JAK1: variants seen among roughly 807,000 people sequenced by gnomAD.
The protein encoded by JAK1 is tyrosine-protein kinase JAK1.
JAK1 carries 16 observed loss-of-function variants against 136.6 expected under a neutral mutation model. That is an observed-to-expected ratio of 0.12 (90% CI 0.08 to 0.18). The LOEUF (loss-of-function observed/expected upper bound fraction) is 0.18, where lower values mean the gene tolerates loss of function less well. Among genes scored for constraint, JAK1 ranks in the 10% least tolerant of loss-of-function variants. The pLI is 1.00. For missense variants in JAK1, 859 were observed against 1,450.1 expected (o/e 0.59, Z 6.62); for synonymous variants, 492 against 519.5 (o/e 0.95, Z 0.72).
At chr1:65,022,228 T>C (rs1036649974) in intron 2 of JAK1, among the ~76,000 whole-genome samples, 2 of 152,256 alleles carry the variant, frequency 1.3e-5, no homozygotes, top group African/African-American at 2.4e-5. Context: ...ATGAATTTTC[T>C]TGATATTGGA....
intron 12 of JAK1, among the ~76,000 whole-genome samples, chr1:64,849,785 A>C (rs933149032): frequency 2.0e-5 from 3 of 152,020 alleles, no homozygotes; most frequent in Non-Finnish European, 4.4e-5. Flanking sequence ...AGACTATGTC[A>C]AGTTCTACAC....
At position 64,839,817 on chromosome 1, in the gene JAK1, C is replaced by G. The variant is rs771526524; in HGVS notation, c.2650-22G>C. On this transcript the variant is annotated intron_variant, in intron 19 of 24. Coordinates refer to ENST00000342505, the MANE Select transcript of JAK1 (RefSeq NM_002227.4). Reference sequence around the variant, plus strand: ...GGCCCTGGAGGGAAAGATGCATGTGCTGTTATCAGGGAAGCCCCATCGTAG... The same window carrying G: ...GGCCCTGGAGGGAAAGATGCATGTGGTGTTATCAGGGAAGCCCCATCGTAG... The G allele has an allele frequency of 5.0e-6, 8 of 1,584,930 alleles. No homozygotes were observed. In the South Asian group the frequency reaches 6.8e-5, roughly 14 times the overall value.
intron 6 of JAK1, among the ~76,000 whole-genome samples, chr1:64,868,147 G>GT (rs753545987): frequency 2.6e-5 from 4 of 152,208 alleles, no homozygotes; most frequent in Non-Finnish European, 4.4e-5. Flanking sequence ...TGAAAGATTA[G>GT]TTACCTATCC....
intron 1 of JAK1, among the ~76,000 whole-genome samples, chr1:64,902,583 A>AGAGAGAGAGAGAGAGAGTGTGTGTGT: frequency 2.8e-4 from 21 of 73,788 alleles, no homozygotes; most frequent in African/African-American, 8.6e-4. Context: ...AGAGAGAGAG[A>AGAGAGAGAGAGAGAGAGTGTGTGTGT]GTGTGTGTGT....
chr1:64,932,657 T>C (rs1043250821), intron 1 of JAK1, among the ~76,000 whole-genome samples: 1 of 152,194 alleles, frequency 6.6e-6, no homozygotes, highest in Non-Finnish European at 1.5e-5. Flanking sequence ...GCAAAGATAG[T>C]ACACAGAATT....
At chr1:65,052,365 G>A (rs531308859) in intron 1 of JAK1, among the ~76,000 whole-genome samples, 2 of 152,024 alleles carry the variant, frequency 1.3e-5, no homozygotes, top group Non-Finnish European at 2.9e-5. Context: ...CATGCTTCAT[G>A]AAGAATTCTT....
At chr1:64,839,145 CAAAAAAAAAAAA>C (rs56058898) in intron 20 of JAK1, among the ~76,000 whole-genome samples, 2 of 59,870 alleles carry the variant, frequency 3.3e-5, no homozygotes, top group Middle Eastern at 8.2e-3. Context: ...GACTCCGTCT[CAAAAAAAAAAAA>C]AAAAAAAAAA....
chr1:64,914,940 C>T (rs61784742), intron 1 of JAK1, among the ~76,000 whole-genome samples: 7,973 of 152,182 alleles, frequency 0.052, 448 homozygotes, highest in African/African-American at 0.13. Context: ...GGTCTTTCCT[C>T]AATACAAGAT....
chr1:64,936,567 C>T (rs1437888235), intron 1 of JAK1, among the ~76,000 whole-genome samples: 1 of 152,142 alleles, frequency 6.6e-6, no homozygotes, highest in Non-Finnish European at 1.5e-5. Context: ...CCAGGACTTT[C>T]ACAAGTATGA....
chr1:64,855,539 G>C lies in JAK1; in HGVS notation c.1618C>G (p.Leu540Val). ...GGCTTGGGCTGGCAGCAGCGTTTTA[G>C]CATGAAGCTGATGTTATCCGTGCGC... ...ILRTDNISFMLKRCCQPKPRE... is the reference protein window; with the variant it reads ...ILRTDNISFMVKRCCQPKPRE... Residue 540 changes from leucine to valine, a missense_variant, in exon 11 of 25, where the codon CTA becomes GTA. Leu to Val is a conservative substitution (Grantham distance 32, BLOSUM62 1). Around this residue, in one of 4 missense-constraint regions of JAK1, gnomAD observed 409 missense variants for 753.8 expected, o/e 0.54. Coordinates refer to ENST00000342505, the MANE Select transcript of JAK1 (RefSeq NM_002227.4). 6.2e-7 allele frequency: 1 copy of C among 1,614,168 alleles called. No homozygotes were observed.
intron 11 of JAK1, among the ~76,000 whole-genome samples, chr1:64,851,645 G>A (rs1010409122): frequency 2.0e-5 from 3 of 152,136 alleles, no homozygotes; most frequent in Non-Finnish European, 4.4e-5. Context: ...AAATCCTCGA[G>A]GCCAGGAAAT....
At chr1:64,957,637 C>T (rs1368046321) in intron 1 of JAK1, among the ~76,000 whole-genome samples, 2 of 150,882 alleles carry the variant, frequency 1.3e-5, no homozygotes, top group African/African-American at 4.9e-5. Flanking sequence ...GGTGAAACCC[C>T]GTCTCTACTA....
chr1:64,881,219 A>T (rs1409975901), intron 3 of JAK1, among the ~76,000 whole-genome samples: 1 of 150,364 alleles, frequency 6.7e-6, no homozygotes, highest in Non-Finnish European at 1.5e-5. Context: ...CTATGATGGA[A>T]CCACTGCACT....
intron 19 of JAK1, among the ~76,000 whole-genome samples, chr1:64,840,357 A>C (rs1654815384): frequency 6.6e-6 from 1 of 152,206 alleles, no homozygotes; most frequent in South Asian, 2.1e-4. Context: ...AGTGGCTGGC[A>C]CACAGCAGAT....
intron 1 of JAK1, among the ~76,000 whole-genome samples, chr1:65,045,743 A>AT (rs1468495494): frequency 6.6e-6 from 1 of 152,202 alleles, no homozygotes; most frequent in East Asian, 1.9e-4. Context: ...TAGGAAAAAG[A>AT]TGTCATCACT....
intron 1 of JAK1, among the ~76,000 whole-genome samples, chr1:64,911,644 A>G (rs1211604214): frequency 2.6e-5 from 4 of 152,330 alleles, no homozygotes; most frequent in African/African-American, 9.6e-5. Flanking sequence ...CATCTAAGTA[A>G]TGACCTGGAC....
intron 20 of JAK1, among the ~76,000 whole-genome samples, chr1:64,839,138 T>G (rs1229579807): frequency 1.1e-5 from 1 of 92,464 alleles, no homozygotes; most frequent in African/African-American, 5.2e-5. Flanking sequence ...AGAGCGAGAC[T>G]CCGTCTCAAA....
intron 2 of JAK1, among the ~76,000 whole-genome samples, chr1:65,000,161 T>A (rs984702678): frequency 1.3e-5 from 2 of 152,056 alleles, no homozygotes; most frequent in African/African-American, 4.8e-5. Context: ...CAGCTAATTT[T>A]GTATTTTTAG....
intron 1 of JAK1, chr1:65,058,405 G>A (rs1182265121): frequency 1.1e-5 from 6 of 534,028 alleles, no homozygotes. Context: ...TGGGTACGGT[G>A]AGGCTCCTCT....
Sources: allele counts gnomAD v4.1 joint callset (sites outside exome capture counted in the v4.1 genomes callset), GRCh38; gene constraint gnomAD v4.1.1; regional missense constraint gnomAD v4.1.1; transcripts MANE v1.5; gene names NCBI Gene and HGNC (gene_info 2026-07-23, HGNC 2026-07-21).